Variants in ALDH1A2 observed in about 807,000 individuals in gnomAD.
ALDH1A2 encodes retinal dehydrogenase 2.
In ALDH1A2, 27 loss-of-function variants were observed where a neutral mutation model predicts 60.3. The observed-to-expected ratio is 0.45, with a 90% confidence interval of 0.33 to 0.62. The LOEUF is 0.62. ALDH1A2 is among the 20% of genes least tolerant of loss of function. The pLI is 0.02. For synonymous variants in ALDH1A2, 289 were observed against 232.4 expected (o/e 1.24, Z -2.21); for missense variants, 581 against 643.8 (o/e 0.90, Z 1.06).
chr15:57,978,483 C>T (rs530395128), intron 7 of ALDH1A2, among the ~76,000 whole-genome samples: 43 of 152,284 alleles, frequency 2.8e-4, no homozygotes, highest in Non-Finnish European at 5.6e-4. Context: ...TGATATATTA[C>T]ATTTATTGAT....
At chr15:58,039,640 A>G (rs1224492923) in intron 1 of ALDH1A2, among the ~76,000 whole-genome samples, 1 of 151,862 alleles carries the variant, frequency 6.6e-6, no homozygotes, top group Non-Finnish European at 1.5e-5. Context: ...TGCTGAGGCC[A>G]TTTCTTTATA....
intron 1 of ALDH1A2, among the ~76,000 whole-genome samples, chr15:58,056,685 A>C (rs1239203464): frequency 1.3e-5 from 2 of 152,204 alleles, no homozygotes; most frequent in African/African-American, 4.8e-5. Flanking sequence ...GAATACATTT[A>C]TAAAAACTGA....
At chr15:57,979,986 G>A (rs144515566) in intron 7 of ALDH1A2, 163 of 337,970 alleles carry the variant, frequency 4.8e-4, no homozygotes, top group African/African-American at 2.9e-3. Flanking sequence ...GAGCTGTCAT[G>A]CTCACCTGGC....
intron 1 of ALDH1A2, among the ~76,000 whole-genome samples, chr15:58,029,618 G>T (rs1262791995): frequency 6.6e-6 from 1 of 150,968 alleles, no homozygotes; most frequent in Non-Finnish European, 1.5e-5. Flanking sequence ...CCAGGAGCTG[G>T]TTTTTTGAAA....
At chr15:58,040,451 G>T in intron 1 of ALDH1A2, among the ~76,000 whole-genome samples, 1 of 152,030 alleles carries the variant, frequency 6.6e-6, no homozygotes, top group East Asian at 1.9e-4. Context: ...TACAACGAAC[G>T]TTATGAGGGG....
At chr15:58,052,843 G>A (rs1896809396) in intron 1 of ALDH1A2, among the ~76,000 whole-genome samples, 1 of 152,116 alleles carries the variant, frequency 6.6e-6, no homozygotes, top group Non-Finnish European at 1.5e-5. Flanking sequence ...TAAATGCGTG[G>A]CAATGAAGCA....
intron 1 of ALDH1A2, among the ~76,000 whole-genome samples, chr15:58,028,024 A>G (rs1325484207): frequency 3.9e-5 from 6 of 152,174 alleles, no homozygotes; most frequent in African/African-American, 1.4e-4. Flanking sequence ...GCAGGCCAGC[A>G]TTCAAATTTA....
chr15:58,001,400 A>G (rs1428166505), intron 4 of ALDH1A2, among the ~76,000 whole-genome samples: 1 of 151,976 alleles, frequency 6.6e-6, no homozygotes, highest in Non-Finnish European at 1.5e-5. Flanking sequence ...AAAAACCTCA[A>G]TGACAACTCT....
intron 1 of ALDH1A2, among the ~76,000 whole-genome samples, chr15:58,018,985 T>A (rs918847767): frequency 2.6e-5 from 4 of 152,202 alleles, no homozygotes; most frequent in African/African-American, 9.6e-5. Context: ...GAAATTTGAA[T>A]AAGATTTTTA....
At chr15:57,971,249 C>G (rs114344227) in intron 7 of ALDH1A2, among the ~76,000 whole-genome samples, 181 of 152,254 alleles carry the variant, frequency 1.2e-3, no homozygotes, top group African/African-American at 4.1e-3. Context: ...TTGATAAACT[C>G]ATTTTTACAG....
At chr15:58,062,782 C>T (rs1897075341) in intron 1 of ALDH1A2, among the ~76,000 whole-genome samples, 2 of 152,086 alleles carry the variant, frequency 1.3e-5, no homozygotes, top group African/African-American at 4.8e-5. Context: ...TAGACATGTT[C>T]CAAAAATGGT....
intron 1 of ALDH1A2, among the ~76,000 whole-genome samples, chr15:58,044,113 G>T (rs1425141570): frequency 6.6e-6 from 1 of 152,000 alleles, no homozygotes; most frequent in African/African-American, 2.4e-5. Context: ...TGGCTGACCA[G>T]ATCCGAGTGA....
chr15:58,048,507 A>C (rs1896691107), intron 1 of ALDH1A2, among the ~76,000 whole-genome samples: 1 of 152,084 alleles, frequency 6.6e-6, no homozygotes, highest in South Asian at 2.1e-4. Flanking sequence ...TTGATGGACA[A>C]GGCCGGATCC....
At chr15:58,063,230 C>CA (rs1432102764) in intron 1 of ALDH1A2, among the ~76,000 whole-genome samples, 1 of 152,060 alleles carries the variant, frequency 6.6e-6, no homozygotes, top group African/African-American at 2.4e-5. Context: ...TTTAGCAAGA[C>CA]AAAAAACAAT....
At chr15:58,059,209 A>G (rs1425670988) in intron 1 of ALDH1A2, among the ~76,000 whole-genome samples, 1 of 152,256 alleles carries the variant, frequency 6.6e-6, no homozygotes, top group African/African-American at 2.4e-5. Flanking sequence ...ATTAAAGGCA[A>G]TTAAAAATTA....
intron 1 of ALDH1A2, among the ~76,000 whole-genome samples, chr15:58,037,871 T>G (rs1458714207): frequency 1.3e-5 from 2 of 151,732 alleles, no homozygotes; most frequent in Admixed American, 1.3e-4. Context: ...AAAAAGGACT[T>G]TGATATCAGT....
At chr15:58,008,526 T>A (rs1314093371) in intron 4 of ALDH1A2, among the ~76,000 whole-genome samples, 1 of 152,096 alleles carries the variant, frequency 6.6e-6, no homozygotes, top group Non-Finnish European at 1.5e-5. Context: ...TTTAGCTTTA[T>A]CTAATCAGGA....
chr15:58,055,386 G>T (rs2053910971), intron 1 of ALDH1A2, among the ~76,000 whole-genome samples: 1 of 152,134 alleles, frequency 6.6e-6, no homozygotes, highest in African/African-American at 2.4e-5. Context: ...AAACATTCTT[G>T]AAGTTTCTAC....
intron 7 of ALDH1A2, among the ~76,000 whole-genome samples, chr15:57,968,501 C>T (rs1596070295): frequency 6.6e-6 from 1 of 152,336 alleles, no homozygotes. Context: ...GTTCTCTTTT[C>T]TACATTTACT....
Sources: allele counts gnomAD v4.1 joint callset (sites outside exome capture counted in the v4.1 genomes callset), GRCh38; gene constraint gnomAD v4.1.1; transcripts MANE v1.5; gene names NCBI Gene and HGNC (gene_info 2026-07-23, HGNC 2026-07-21).